MORN1: variants seen among roughly 807,000 people sequenced by gnomAD.
MORN1 encodes the protein MORN repeat containing 1.
In MORN1, 67 loss-of-function variants were observed where a neutral mutation model predicts 61.9. The ratio of observed to expected loss-of-function variants is 1.08; its 90% CI spans 0.89 to 1.33. The LOEUF (loss-of-function observed/expected upper bound fraction) is 1.33. Among genes scored for constraint, MORN1 ranks in the 40% most tolerant of loss-of-function variants. The probability of loss-of-function intolerance (pLI) is 0.00; values close to 1 mark genes in which losing one functional copy is unlikely to be tolerated. For missense variants in MORN1, 752 were observed against 691.2 expected, an observed-to-expected ratio of 1.09 and a Z score of -0.99; for synonymous variants, 301 against 292.0, an observed-to-expected ratio of 1.03 and a Z score of -0.31.
chr1:2,369,445 A>G (rs990772421), intron 8 of MORN1, among the ~76,000 whole-genome samples: 3 of 152,118 alleles, frequency 2.0e-5, no homozygotes, highest in Non-Finnish European at 4.4e-5. Flanking sequence ...GCTGGAGGTA[A>G]TGTAAAAACC....
chr1:2,335,799 G>C (rs1641252924), intron 12 of MORN1, among the ~76,000 whole-genome samples: 1 of 146,500 alleles, frequency 6.8e-6, no homozygotes, highest in South Asian at 2.1e-4. Context: ...GGTCCCCAGG[G>C]CACATCAGCG....
At chr1:2,330,140 G>A (rs1269143630) in intron 12 of MORN1, among the ~76,000 whole-genome samples, 1 of 152,202 alleles carries the variant, frequency 6.6e-6, no homozygotes, top group African/African-American at 2.4e-5. Flanking sequence ...CTCCCCACCT[G>A]GGCTGCGAGT....
chr1:2,374,787 G>A (rs530912177), intron 6 of MORN1: 9 of 507,082 alleles, frequency 1.8e-5, no homozygotes, highest in Non-Finnish European at 2.8e-5. Context: ...GAATTTTAAC[G>A]ATGCCAGGAG....
At chr1:2,356,059 C>T (rs1420184592) in intron 10 of MORN1, among the ~76,000 whole-genome samples, 3 of 152,274 alleles carry the variant, frequency 2.0e-5, no homozygotes, top group East Asian at 1.9e-4. Flanking sequence ...CACCCCAGTG[C>T]GGCAGCCAGG....
At chr1:2,340,961 T>C (rs1452428988) in intron 10 of MORN1, among the ~76,000 whole-genome samples, 1 of 152,240 alleles carries the variant, frequency 6.6e-6, no homozygotes, top group African/African-American at 2.4e-5. Context: ...CAGACCGTGA[T>C]ACCAGCCACG....
intron 12 of MORN1, chr1:2,326,581 G>A (rs1326468094): frequency 2.0e-5 from 3 of 152,336 alleles, no homozygotes; most frequent in Non-Finnish European, 2.9e-5. Flanking sequence ...GCGGTGGACT[G>A]GGGGTGCGTC....
intron 12 of MORN1, among the ~76,000 whole-genome samples, chr1:2,325,524 A>AT (rs1641008454): frequency 6.6e-6 from 1 of 151,892 alleles, no homozygotes; most frequent in East Asian, 1.9e-4. Context: ...AATTAAAAAA[A>AT]TTTTTAGAGA....
At chr1:2,390,062 G>T (rs1234640197) in intron 1 of MORN1, 66 bp from the exon 2 acceptor site, 6 of 1,452,494 alleles carry the variant, frequency 4.1e-6, no homozygotes, top group Non-Finnish European at 4.8e-6. Flanking sequence ...CTCCAGTGCT[G>T]AAGGAGGGAG....
intron 10 of MORN1, among the ~76,000 whole-genome samples, chr1:2,354,291 A>T (rs2840530): frequency 6.6e-6 from 1 of 152,070 alleles, no homozygotes; most frequent in Non-Finnish European, 1.5e-5. Context: ...TAAGAAAAGG[A>T]AAGTAAAAGC....
At chr1:2,367,073 TA>T (rs1642011735) in intron 8 of MORN1, among the ~76,000 whole-genome samples, 1 of 152,080 alleles carries the variant, frequency 6.6e-6, no homozygotes, top group Admixed American at 6.6e-5. Context: ...TAAAATATTG[TA>T]CACAACAAAA....
chr1:2,365,168 C>T (rs1251548612), intron 8 of MORN1, among the ~76,000 whole-genome samples: 6 of 145,386 alleles, frequency 4.1e-5, no homozygotes, highest in African/African-American at 7.4e-5. Context: ...GCCATTTTCA[C>T]GATATTGATT....
At chr1:2,369,157 C>G (rs1163987210) in intron 8 of MORN1, among the ~76,000 whole-genome samples, 5 of 151,588 alleles carry the variant, frequency 3.3e-5, no homozygotes, top group Non-Finnish European at 7.4e-5. Context: ...TGAGATCATC[C>G]TGGCTAGCAG....
intron 1 of MORN1, 102 bp from the exon 2 acceptor site, chr1:2,390,098 G>A (rs1642609967): frequency 9.0e-7 from 1 of 1,111,182 alleles, no homozygotes; most frequent in African/African-American, 1.5e-5. Flanking sequence ...GGCCTTCAAG[G>A]GGTTGGTACA....
At chr1:2,389,856 C>A in intron 2 of MORN1, 69 bp downstream of exon 2, 6 of 1,455,770 alleles carry the variant, frequency 4.1e-6, no homozygotes, top group South Asian at 1.1e-5. Flanking sequence ...CACCCAACCT[C>A]CCGGGGAGAA....
In MORN1 at chr1:2,357,600, T is replaced by A; in HGVS notation, c.870-2A>T. The A allele has an allele frequency of 6.3e-7, 1 of 1,583,770 alleles. No homozygotes were observed. The highest frequency in any genetic ancestry group is 8.6e-7 in the Non-Finnish European group (1 of 1,161,900). On this transcript the variant is annotated splice_acceptor_variant, in intron 9 of 13. Coordinates refer to ENST00000378531, the MANE Select transcript of MORN1 (RefSeq NM_024848.3). LOFTEE classifies it high-confidence loss of function. This position sits in a 1 kb window ranked among gnomAD's most constrained non-coding sequence, Gnocchi z 6.3. The stretch of plus-strand genomic sequence containing the variant: ...GGATAAGGGATGCATTCGAACCCAC[T>A]GCAAAGGAATGGGGGCAGCTTGGCT...
intron 8 of MORN1, among the ~76,000 whole-genome samples, chr1:2,366,833 G>C (rs1428909603): frequency 2.6e-5 from 4 of 152,118 alleles, no homozygotes; most frequent in Non-Finnish European, 4.4e-5. Flanking sequence ...ACTGCACCCA[G>C]CAAGGCAAAT....
intron 12 of MORN1, chr1:2,332,894 G>C: frequency 2.7e-6 from 1 of 365,348 alleles, no homozygotes; most frequent in South Asian, 2.0e-5. Context: ...GTCGGGGACT[G>C]GGGCTCGGGC....
intron 10 of MORN1, among the ~76,000 whole-genome samples, chr1:2,346,254 G>T (rs963986126): frequency 6.6e-6 from 1 of 152,344 alleles, no homozygotes; most frequent in African/African-American, 2.4e-5. Context: ...ACGCCAGGGT[G>T]CCCGCAGTCA....
intron 10 of MORN1, among the ~76,000 whole-genome samples, chr1:2,340,770 C>T (rs747756562): frequency 5.9e-5 from 9 of 152,152 alleles, no homozygotes; most frequent in Admixed American, 2.0e-4. Flanking sequence ...CGGCGAGGGC[C>T]GCCACACAGG....
Sources: allele counts gnomAD v4.1 joint callset (sites outside exome capture counted in the v4.1 genomes callset), GRCh38; gene constraint gnomAD v4.1.1; non-coding constraint Gnocchi (gnomAD v3.1); transcripts MANE v1.5; gene names NCBI Gene and HGNC (gene_info 2026-07-23, HGNC 2026-07-21).